PLEKHA7: variants seen among roughly 807,000 people sequenced by gnomAD.
PLEKHA7 encodes pleckstrin homology domain-containing family A member 7.
A neutral mutation model predicts 170.0 loss-of-function variants in PLEKHA7; 104 were observed. The ratio of observed to expected loss-of-function variants is 0.61; its 90% CI spans 0.52 to 0.72. The LOEUF is 0.72. PLEKHA7 is among the 30% of genes least tolerant of loss of function. The pLI, the probability that PLEKHA7 is intolerant of heterozygous loss-of-function variation, is 0.00. For synonymous variants in PLEKHA7, 648 were observed against 660.8 expected (o/e 0.98, Z 0.30); for missense variants, 1,615 against 1,671.7 (o/e 0.97, Z 0.59).
At chr11:16,808,121 A>T (rs1440010241) in intron 13 of PLEKHA7, among the ~76,000 whole-genome samples, 1 of 152,218 alleles carries the variant, frequency 6.6e-6, no homozygotes, top group African/African-American at 2.4e-5. Context: ...TCTGAGGATC[A>T]CATTTTGAGA....
intron 3 of PLEKHA7, among the ~76,000 whole-genome samples, chr11:16,958,369 A>G (rs1388986940): frequency 6.6e-6 from 1 of 151,116 alleles, no homozygotes; most frequent in African/African-American, 2.5e-5. Flanking sequence ...AAAACTTTGT[A>G]TCATAATGCA....
chr11:16,795,302 T>C, intron 17 of PLEKHA7: 1 of 395,692 alleles, frequency 2.5e-6, no homozygotes, highest in South Asian at 3.0e-5. Context: ...TCCGCTAAAA[T>C]ACTGTATGAC....
intron 23 of PLEKHA7, 90 bp from the exon 24 acceptor site, chr11:16,786,477 G>C: frequency 6.6e-7 from 1 of 1,515,724 alleles, no homozygotes; most frequent in Non-Finnish European, 8.8e-7. Context: ...TCCTTTGGAA[G>C]ATGAACCTGT....
intron 3 of PLEKHA7, among the ~76,000 whole-genome samples, chr11:16,894,024 C>G (rs948898187): frequency 5.3e-5 from 8 of 152,316 alleles, no homozygotes; most frequent in African/African-American, 1.7e-4. Flanking sequence ...GCAAAGCCTC[C>G]TCTTTCCAAC....
At chr11:16,963,116 C>T (rs12362815) in intron 3 of PLEKHA7, among the ~76,000 whole-genome samples, 38,358 of 152,170 alleles carry the variant, frequency 0.25, 5,829 homozygotes, top group Non-Finnish European at 0.36. Flanking sequence ...AGGCCTTGTA[C>T]ACAGTGCAGT....
intron 3 of PLEKHA7, among the ~76,000 whole-genome samples, chr11:17,004,596 T>C (rs555227742): frequency 2.1e-4 from 32 of 152,124 alleles, no homozygotes; most frequent in African/African-American, 7.0e-4. Flanking sequence ...TTTCACCACA[T>C]TGGCCAAGCT....
intron 3 of PLEKHA7, among the ~76,000 whole-genome samples, chr11:16,997,890 G>A (rs1322760252): frequency 6.6e-6 from 1 of 152,146 alleles, no homozygotes; most frequent in Non-Finnish European, 1.5e-5. Flanking sequence ...AAATAAACTG[G>A]AGCAGTCTCC....
rs1344476419 is a variant in PLEKHA7 at position 16,919,509 on chromosome 11, TA to T, written c.222-48328del. On this transcript the variant is annotated intron_variant, in intron 3 of 26. Coordinates refer to ENST00000531066, the MANE Select transcript of PLEKHA7 (RefSeq NM_001329630.2). ...GGGCAACATAGTGAGATCTCACCTCTAAAAAAAGAAAAACACTTAGCCAAGC... is the reference window on the plus strand; with the variant it reads ...GGGCAACATAGTGAGATCTCACCTCTAAAAAAGAAAAACACTTAGCCAAGC... 6.6e-5 allele frequency among the ~76,000 whole-genome samples: 10 copies of T among 151,832 alleles called. No individual in the cohort carries two copies. In the East Asian group the frequency reaches 1.2e-3, roughly 18 times the overall value.
intron 3 of PLEKHA7, among the ~76,000 whole-genome samples, chr11:16,997,056 G>T (rs367862373): frequency 6.6e-6 from 1 of 152,162 alleles, no homozygotes; most frequent in East Asian, 1.9e-4. Context: ...GCCTCACACA[G>T]CATGGACTGA....
intron 3 of PLEKHA7, among the ~76,000 whole-genome samples, chr11:16,950,085 G>A (rs1313571742): frequency 1.8e-4 from 24 of 135,026 alleles, no homozygotes; most frequent in African/African-American, 4.3e-4. Context: ...TGTGTGGGGC[G>A]GGGGGCGGGG....
At chr11:16,956,651 G>A (rs1861720115) in intron 3 of PLEKHA7, among the ~76,000 whole-genome samples, 1 of 152,178 alleles carries the variant, frequency 6.6e-6, no homozygotes, top group African/African-American at 2.4e-5. Context: ...CAGGGATAAA[G>A]GGAAATCCTC....
In PLEKHA7 at chr11:16,789,950, C is replaced by T. The variant is rs1847722500; in HGVS notation, c.3053-72G>A. On this transcript the variant is annotated intron_variant, in intron 21 of 26. Transcript: ENST00000531066. The surrounding 1 kb of genome is among the most constrained non-coding windows in gnomAD (Gnocchi z 4.6). ...GGGTCCCTGCTTCTCCCTCATCACA[C>T]ATTCTTGCAGGAGTACCAAGAGCAC... 7.5e-7 allele frequency: 1 copy of T among 1,334,112 alleles called. No homozygotes were observed. Among genetic ancestry groups the T allele is most frequent in the Non-Finnish European group, 1.1e-6 (1 of 932,582 alleles). 82.6% of individuals were successfully genotyped at this position (1,334,112 alleles called of 1,614,324 possible).
At position 16,791,285 on chromosome 11, in the gene PLEKHA7, G is replaced by C; in HGVS notation, c.2746-86C>G. Reference sequence around the variant, plus strand: ...GGTACTGCCACAGTGGAGGTTTAAAGGGTAGGAACAGGCCACATCAGAGCC... The same window carrying C: ...GGTACTGCCACAGTGGAGGTTTAAACGGTAGGAACAGGCCACATCAGAGCC... On this transcript the variant is annotated intron_variant, in intron 19 of 26. Coordinates refer to ENST00000531066, the MANE Select transcript of PLEKHA7 (RefSeq NM_001329630.2). The surrounding 1 kb of genome is among the most constrained non-coding windows in gnomAD (Gnocchi z 4.5). 1 of 1,320,066 alleles carries C rather than the reference G, an allele frequency of 7.6e-7. No individual in the cohort carries two copies. Among genetic ancestry groups the C allele is most frequent in the East Asian group, 2.5e-5 (1 of 40,502 alleles). The allele number at this position is 1,320,066 out of a possible 1,614,324, so 81.8% of individuals were successfully genotyped here. A position where few individuals can be genotyped will look rare whatever the true frequency, so the allele number is the denominator to read the frequency against.
At chr11:16,781,334 C>G (rs1849006117) in intron 26 of PLEKHA7, 1 of 152,440 alleles carries the variant, frequency 6.6e-6, no homozygotes, top group Non-Finnish European at 1.5e-5. Flanking sequence ...GCCCTGGGAA[C>G]TGGCCGCAGC....
chr11:16,783,016 G>T, intron 25 of PLEKHA7, 120 bp from the exon 26 acceptor site: 2 of 1,096,842 alleles, frequency 1.8e-6, no homozygotes, highest in Non-Finnish European at 2.5e-6. Context: ...CAAAAACTGT[G>T]GTACTTTCTC....
At position 16,998,181 on chromosome 11, in the gene PLEKHA7, C is replaced by G. The variant is rs370049431; in HGVS notation, c.221+15808G>C. ...GTGAACAGTGTCAGTACCAGATAAA[C>G]ATTTGTAAAATAAACAAATAAGTAG... On this transcript the variant is annotated intron_variant, in intron 3 of 26. Coordinates refer to ENST00000531066, the MANE Select transcript of PLEKHA7 (RefSeq NM_001329630.2). Among the ~76,000 whole-genome samples the G allele has an allele frequency of 1.8e-4, 28 of 152,264 alleles. No individual in the cohort carries two copies. The South Asian group carries it at 5.8e-3, about 32-fold the overall frequency.
chr11:16,818,612 ACATGTTTTCCCAGGC>A (rs2134748072), intron 10 of PLEKHA7, among the ~76,000 whole-genome samples: 1 of 152,342 alleles, frequency 6.6e-6, no homozygotes, highest in Non-Finnish European at 1.5e-5. Context: ...TACTTCCAAG[ACATGTTTTCCCAGGC>A]CAAGGTGAAA....
intron 3 of PLEKHA7, among the ~76,000 whole-genome samples, chr11:16,871,457 C>G (rs1854841753): frequency 6.6e-6 from 1 of 152,150 alleles, no homozygotes. Context: ...CTTGGAGAGA[C>G]ATTCCATGAA....
Position 16,789,655 on chromosome 11 carries a change from T to G in PLEKHA7, c.3156+120A>C. On this transcript the variant is annotated intron_variant, in intron 22 of 26. Coordinates refer to ENST00000531066, the MANE Select transcript of PLEKHA7 (RefSeq NM_001329630.2). This position sits in a 1 kb window ranked among gnomAD's most constrained non-coding sequence, Gnocchi z 4.6. ...GGGTGACAGGGAGCTCAGGAGGGGC[T>G]GAGGCCACCCCAGAGGCCATCCCCA... 1 of 847,526 alleles carries G rather than the reference T, an allele frequency of 1.2e-6. No homozygotes were observed. Among genetic ancestry groups the G allele is most frequent in the Non-Finnish European group, 1.8e-6 (1 of 547,028 alleles). 52.5% of individuals were successfully genotyped at this position (847,526 alleles called of 1,614,324 possible). A position where few individuals can be genotyped will look rare whatever the true frequency, so the allele number is the denominator to read the frequency against.
Sources: allele counts gnomAD v4.1 joint callset (sites outside exome capture counted in the v4.1 genomes callset), GRCh38; gene constraint gnomAD v4.1.1; non-coding constraint Gnocchi (gnomAD v3.1); transcripts MANE v1.5; gene names NCBI Gene and HGNC (gene_info 2026-07-23, HGNC 2026-07-21).